Variants in SGCZ observed in about 807,000 individuals in gnomAD.
SGCZ encodes sarcoglycan zeta.
Under a neutral mutation model 41.3 loss-of-function variants are expected in SGCZ, and 40 were observed. The observed-to-expected ratio is 0.97, with a 90% CI of 0.75 to 1.26. The LOEUF is 1.26. Ranked by LOEUF, SGCZ falls within the 50% of genes most tolerant of loss-of-function variation. The pLI, the probability that SGCZ is intolerant of heterozygous loss-of-function variation, is 0.00. For synonymous variants in SGCZ, 206 were observed against 137.5 expected (o/e 1.50, Z -3.49); for missense variants, 552 against 369.8 (o/e 1.49, Z -4.04).
intron 1 of SGCZ, among the ~76,000 whole-genome samples, chr8:15,178,357 C>G (rs1312373211): frequency 1.3e-5 from 2 of 152,104 alleles, no homozygotes; most frequent in East Asian, 1.9e-4. Flanking sequence ...GCGCAGAGAT[C>G]TGAGTTCAAA....
At chr8:14,131,022 C>T (rs2117057468) in intron 5 of SGCZ, among the ~76,000 whole-genome samples, 1 of 152,276 alleles carries the variant, frequency 6.6e-6, no homozygotes, top group East Asian at 1.9e-4. Context: ...TCTATAAAAC[C>T]AGCTGCACCT....
At chr8:14,272,263 C>T (rs556741946) in intron 3 of SGCZ, among the ~76,000 whole-genome samples, 53 of 152,310 alleles carry the variant, frequency 3.5e-4, no homozygotes, top group Non-Finnish European at 6.3e-4. Flanking sequence ...CTTGGCCTCC[C>T]GAAGTGCTGG....
intron 1 of SGCZ, among the ~76,000 whole-genome samples, chr8:14,723,994 T>A (rs1809973337): frequency 6.6e-6 from 1 of 152,106 alleles, no homozygotes. Flanking sequence ...GCAGAAGGAA[T>A]AGCCTACTGC....
chr8:14,388,846 A>G (rs970640611), intron 2 of SGCZ, among the ~76,000 whole-genome samples: 2 of 151,986 alleles, frequency 1.3e-5, no homozygotes, highest in East Asian at 1.9e-4. Context: ...AAAGAAAAAA[A>G]AAAAGAAAAT....
chr8:14,531,624 A>G (rs1803135636), intron 2 of SGCZ, among the ~76,000 whole-genome samples: 1 of 152,130 alleles, frequency 6.6e-6, no homozygotes. Context: ...ATGAGAGGAT[A>G]CACAGGATAG....
chr8:14,182,981 G>T (rs959956805), intron 4 of SGCZ, among the ~76,000 whole-genome samples: 1 of 130,494 alleles, frequency 7.7e-6, no homozygotes, highest in African/African-American at 3.0e-5. Context: ...TTGCACTCCA[G>T]CCTGGGCAAC....
intron 1 of SGCZ, among the ~76,000 whole-genome samples, chr8:14,813,698 T>C (rs943321391): frequency 6.6e-6 from 1 of 152,134 alleles, no homozygotes; most frequent in Non-Finnish European, 1.5e-5. Flanking sequence ...ACGCCTGTAA[T>C]CCCAACACTT....
intron 1 of SGCZ, among the ~76,000 whole-genome samples, chr8:15,169,969 G>A (rs960373299): frequency 1.3e-5 from 2 of 152,094 alleles, no homozygotes; most frequent in African/African-American, 2.4e-5. Flanking sequence ...GTTTCCAGTC[G>A]AAAATACTGC....
intron 1 of SGCZ, among the ~76,000 whole-genome samples, chr8:14,887,160 T>C (rs772372904): frequency 4.6e-5 from 7 of 152,100 alleles, no homozygotes; most frequent in Non-Finnish European, 1.0e-4. Context: ...AATATACAAG[T>C]CTGGATTCAA....
intron 5 of SGCZ, among the ~76,000 whole-genome samples, chr8:14,148,476 G>A (rs1803595384): frequency 6.6e-6 from 1 of 151,916 alleles, no homozygotes; most frequent in South Asian, 2.1e-4. Flanking sequence ...TCCAGAGACT[G>A]AGCCAAGAAG....
intron 1 of SGCZ, among the ~76,000 whole-genome samples, chr8:14,944,777 T>C (rs1800386697): frequency 6.6e-6 from 1 of 152,148 alleles, no homozygotes; most frequent in South Asian, 2.1e-4. Context: ...ATGGGTTTAT[T>C]GAGACTTGAC....
chr8:14,761,579 T>C (rs1799877135), intron 1 of SGCZ, among the ~76,000 whole-genome samples: 1 of 150,864 alleles, frequency 6.6e-6, no homozygotes. Flanking sequence ...TCGCCCAGAC[T>C]GGAGTGCAGC....
chr8:15,111,547 A>G (rs1807054756), intron 1 of SGCZ, among the ~76,000 whole-genome samples: 1 of 152,112 alleles, frequency 6.6e-6, no homozygotes, highest in Non-Finnish European at 1.5e-5. Flanking sequence ...TGTAAATGGG[A>G]CCTTGAGCCA....
chr8:14,557,640 C>T (rs193190498), intron 1 of SGCZ, among the ~76,000 whole-genome samples: 295 of 152,092 alleles, frequency 1.9e-3, no homozygotes, highest in African/African-American at 5.2e-3. Flanking sequence ...TTATCCTACA[C>T]ATGGCTTGCC....
In SGCZ at chr8:14,723,628, GA is replaced by G. The variant is rs1280405073; in HGVS notation, c.40-168703del. Among the ~76,000 whole-genome samples, 5 of 152,034 alleles carry G rather than the reference GA, an allele frequency of 3.3e-5. No homozygotes were observed. In the East Asian group the frequency reaches 9.7e-4, roughly 30 times the overall value. ...TCTTCAAACATGTAAAATGATTTAG[GA>G]TAGGAAACAAGCATAGAACACATGA... On this transcript the variant is annotated intron_variant, in intron 1 of 7. Transcript: ENST00000382080.
At chr8:14,703,857 A>C (rs1157994860) in intron 1 of SGCZ, among the ~76,000 whole-genome samples, 1 of 152,044 alleles carries the variant, frequency 6.6e-6, no homozygotes, top group Non-Finnish European at 1.5e-5. Flanking sequence ...CAGTTATAGA[A>C]AATTGCTAAT....
intron 3 of SGCZ, among the ~76,000 whole-genome samples, chr8:14,257,837 C>A (rs1180918696): frequency 2.0e-5 from 3 of 152,048 alleles, no homozygotes; most frequent in Non-Finnish European, 4.4e-5. Context: ...ATTTCTTTGG[C>A]AATTTGTGTT....
chr8:15,121,589 C>T (rs1807479635), intron 1 of SGCZ, among the ~76,000 whole-genome samples: 1 of 152,064 alleles, frequency 6.6e-6, no homozygotes, highest in Admixed American at 6.6e-5. Context: ...TGATTCTATG[C>T]ATATATAACA....
chr8:14,844,192 C>A (rs1336651447), intron 1 of SGCZ, among the ~76,000 whole-genome samples: 1 of 152,014 alleles, frequency 6.6e-6, no homozygotes, highest in African/African-American at 2.4e-5. Flanking sequence ...TACACACATT[C>A]CCCCATATAC....
Sources: gnomAD v4.1 joint callset for allele counts (sites outside exome capture counted in the v4.1 genomes callset) on GRCh38, gnomAD v4.1.1 for gene constraint, MANE v1.5 for transcripts, NCBI Gene and HGNC (gene_info 2026-07-23, HGNC 2026-07-21) for gene names.